The following NIM1K variants were observed in gnomAD, a reference collection of about 807,000 sequenced individuals.
NIM1K encodes the protein NIM1 serine/threonine protein kinase.
In NIM1K, 35 loss-of-function variants were observed where a neutral mutation model predicts 37.1. The ratio of observed to expected loss-of-function variants is 0.94; its 90% CI spans 0.72 to 1.25. The LOEUF is 1.25. Among genes scored for constraint, NIM1K ranks in the 50% most tolerant of loss-of-function variants. The pLI is 0.00. For missense variants in NIM1K, 564 were observed against 548.0 expected, an observed-to-expected ratio of 1.03 and a Z score of -0.29; for synonymous variants, 234 against 206.6, an observed-to-expected ratio of 1.13 and a Z score of -1.14.
chr5:43,195,433 G>GTT, intron 1 of NIM1K, among the ~76,000 whole-genome samples: 1 of 152,264 alleles, frequency 6.6e-6, no homozygotes, highest in African/African-American at 2.4e-5. Flanking sequence ...TGAAGCAGAA[G>GTT]GACTGCTTGA....
At chr5:43,263,673 T>C (rs1465814135) in intron 2 of NIM1K, among the ~76,000 whole-genome samples, 1 of 152,204 alleles carries the variant, frequency 6.6e-6, no homozygotes, top group Non-Finnish European at 1.5e-5. Context: ...CTTTTGAATG[T>C]GCTTGCTCTT....
chr5:43,264,754 G>A (rs975177574), intron 2 of NIM1K, among the ~76,000 whole-genome samples: 5 of 152,178 alleles, frequency 3.3e-5, no homozygotes, highest in Non-Finnish European at 7.3e-5. Context: ...TGCAGTGGCT[G>A]GTACTGGTTG....
intron 1 of NIM1K, among the ~76,000 whole-genome samples, chr5:43,202,138 CATTA>C (rs2112204117): frequency 6.6e-6 from 1 of 152,046 alleles, no homozygotes; most frequent in African/African-American, 2.4e-5. Flanking sequence ...CATTTATGGT[CATTA>C]ATTTTTTTTC....
chr5:43,225,834 C>T (rs1752449829), intron 1 of NIM1K: 1 of 152,866 alleles, frequency 6.5e-6, no homozygotes, highest in Non-Finnish European at 1.5e-5. Flanking sequence ...AGGGTCACCA[C>T]CCTTAAGAAG....
At chr5:43,256,086 G>A (rs531958183) in intron 2 of NIM1K, among the ~76,000 whole-genome samples, 9 of 152,150 alleles carry the variant, frequency 5.9e-5, no homozygotes, top group Admixed American at 3.3e-4. Flanking sequence ...AAGGAACTGG[G>A]GATTTCACAA....
chr5:43,207,464 C>T (rs1326987639), intron 1 of NIM1K: 3 of 760,934 alleles, frequency 3.9e-6, no homozygotes, highest in Admixed American at 1.7e-5. Context: ...TATTCCGGTA[C>T]TGAAGAGGTA....
In NIM1K at chr5:43,280,596, G is replaced by A. The variant is rs767594292; in HGVS notation, c.1178G>A (p.Arg393Lys). Residue 393 changes from arginine (R) to lysine (K), a missense_variant, in exon 4 of 4, where the codon AGA becomes AAA. Transcript: ENST00000326035. ...GGGGTCTATAGAATTATTTTACATA[G>A]AGTCCAAAGGAAGAAGGCTTTGGAA... ...ITGVYRIILHRVQRKKALESV... is the reference protein window; with the variant it reads ...ITGVYRIILHKVQRKKALESV... The A allele has an allele frequency of 6.2e-7, 1 of 1,614,012 alleles. No homozygotes were observed. The highest frequency in any genetic ancestry group is 1.3e-5 in the African/African-American group (1 of 74,918).
Position 43,277,191 on chromosome 5 carries a change from C to A in NIM1K, c.427C>A (p.Leu143Ile), listed in dbSNP as rs201782851. 49 of 1,614,096 alleles carry A rather than the reference C, an allele frequency of 3.0e-5. No individual in the cohort carries two copies. The East Asian group carries it at 1.1e-3, about 35-fold the overall frequency. The change falls in exon 3 of 4, where the codon CTA becomes ATA. Residue 143 changes from leucine to isoleucine, a missense_variant. Leu to Ile is a conservative substitution (Grantham distance 5, BLOSUM62 2). Coordinates refer to ENST00000326035, the MANE Select transcript of NIM1K (RefSeq NM_153361.4). ...CCGCCTTTACGAAGTGGTGGAGACC[C>A]TATCCAAGCTGCACTTGGTGATGGA... ...IIRLYEVVET[L>I]SKLHLVMEYA...
intron 1 of NIM1K, among the ~76,000 whole-genome samples, chr5:43,218,966 T>C (rs1032019714): frequency 4.6e-5 from 7 of 152,134 alleles, no homozygotes; most frequent in African/African-American, 1.2e-4. Context: ...GCAGAGATAA[T>C]TGAATCATGG....
At chr5:43,241,134 A>G (rs1443114394) in intron 1 of NIM1K, among the ~76,000 whole-genome samples, 1 of 150,068 alleles carries the variant, frequency 6.7e-6, no homozygotes, top group Admixed American at 6.7e-5. Flanking sequence ...CACTATCAAA[A>G]TTTTTTTTTT....
At chr5:43,201,944 C>T (rs1276349305) in intron 1 of NIM1K, among the ~76,000 whole-genome samples, 1 of 145,604 alleles carries the variant, frequency 6.9e-6, no homozygotes, top group Admixed American at 7.1e-5. Context: ...GGTGACAGAG[C>T]GAGACTCCCT....
chr5:43,270,782 G>C lies in NIM1K; in HGVS notation c.293-6275G>C, dbSNP rs77593161. On this transcript the variant is annotated intron_variant, in intron 2 of 3. Transcript: ENST00000326035. ...TTAGCAAAGTGAACTCAACAACCTG[G>C]GAGAGAGACAGGGGAACTTAGGGAG... Among the ~76,000 whole-genome samples the C allele has an allele frequency of 1.8e-3, 278 of 152,242 alleles. 5 individuals carry two copies. The highest frequency in any genetic ancestry group is 6.5e-3 in the African/African-American group (269 of 41,538).
At chr5:43,256,569 G>A (rs1414339084) in intron 2 of NIM1K, among the ~76,000 whole-genome samples, 1 of 152,156 alleles carries the variant, frequency 6.6e-6, no homozygotes, top group Non-Finnish European at 1.5e-5. Flanking sequence ...CGTTGTGAGT[G>A]CCTCCCCCAT....
chr5:43,267,698 ATTG>A (rs1753186136), intron 2 of NIM1K, among the ~76,000 whole-genome samples: 1 of 152,136 alleles, frequency 6.6e-6, no homozygotes. Context: ...TCTTTATTTC[ATTG>A]TTAACCCAAA....
intron 2 of NIM1K, among the ~76,000 whole-genome samples, chr5:43,261,608 A>G (rs4302597): frequency 0.75 from 112,592 of 150,530 alleles, 42,594 homozygotes; most frequent in East Asian, 1. Context: ...AAGCTCTTGA[A>G]TTTAATTAGA....
chr5:43,262,401 C>A (rs1209734063), intron 2 of NIM1K, among the ~76,000 whole-genome samples: 2 of 152,140 alleles, frequency 1.3e-5, no homozygotes, highest in African/African-American at 4.8e-5. Context: ...CATGATTTGG[C>A]TCTCTCTTTG....
chr5:43,220,471 A>G (rs1752365311), intron 1 of NIM1K, among the ~76,000 whole-genome samples: 1 of 152,054 alleles, frequency 6.6e-6, no homozygotes, highest in African/African-American at 2.4e-5. Flanking sequence ...TATTTAATAG[A>G]GACAGAGTTT....
At chr5:43,277,769 C>A (rs898037815) in intron 3 of NIM1K, among the ~76,000 whole-genome samples, 68 of 149,130 alleles carry the variant, frequency 4.6e-4, no homozygotes, top group Middle Eastern at 3.4e-3. Context: ...TCTCCCCCAC[C>A]CCCCCTCTCC....
chr5:43,243,557 G>A (rs909047228), intron 1 of NIM1K, among the ~76,000 whole-genome samples: 2 of 152,184 alleles, frequency 1.3e-5, no homozygotes, highest in African/African-American at 2.4e-5. Flanking sequence ...TGAGTACAGT[G>A]GTTCACACCT....
Sources: allele counts gnomAD v4.1 joint callset (sites outside exome capture counted in the v4.1 genomes callset), GRCh38; gene constraint gnomAD v4.1.1; transcripts MANE v1.5; gene names NCBI Gene and HGNC (gene_info 2026-07-23, HGNC 2026-07-21).